The following SUZ12 variants were observed in gnomAD, a reference collection of about 807,000 sequenced individuals.
The protein encoded by SUZ12 is polycomb protein SUZ12.
In SUZ12, 17 loss-of-function variants were observed where a neutral mutation model predicts 87.3. The observed-to-expected ratio is 0.19, with a 90% CI of 0.13 to 0.29. The LOEUF is 0.29. Among genes scored for constraint, SUZ12 ranks in the 10% least tolerant of loss-of-function variants. The pLI is 1.00. For missense variants in SUZ12, 526 were observed against 912.2 expected, an observed-to-expected ratio of 0.58 and a Z score of 5.45; for synonymous variants, 253 against 312.4, an observed-to-expected ratio of 0.81 and a Z score of 2.01.
rs1910117018 is a variant in SUZ12, at chr17:31,998,863, G to C, written c.2080G>C (p.Ala694Pro). The change falls in exon 16 of 16, where the codon GCT (alanine) becomes CCT (proline). Residue 694 changes from alanine (A) to proline (P), a missense_variant. By Grantham distance (27) the Ala-to-Pro change is conservative (BLOSUM62 -1). This residue lies in a region of SUZ12 where 56 missense variants were observed against 56.6 expected (regional missense o/e 0.99). Transcript: ENST00000322652. ...GCAAAAATTAGAAAAGGGGGAATCT[G>C]CTTCCCCTGCAAACGAAGAAATAAC... ...MQQKLEKGES[A>P]SPANEEITEE... 3 of 1,613,452 alleles carry C rather than the reference G, an allele frequency of 1.9e-6. No individual in the cohort carries two copies. The highest frequency in any genetic ancestry group is 1.1e-5 in the South Asian group (1 of 90,952).
intron 3 of SUZ12, among the ~76,000 whole-genome samples, chr17:31,941,325 C>T (rs527714524): frequency 2.0e-5 from 3 of 151,914 alleles, no homozygotes; most frequent in South Asian, 2.1e-4. Context: ...GGTGCAATCT[C>T]GGCTCACTGC....
rs116124238 is a variant in SUZ12, at chr17:31,999,572, T to C, written c.*569T>C. On this transcript the variant is annotated 3_prime_UTR_variant, in exon 16 of 16. Transcript: ENST00000322652. ...CGGAATGAAAAATTATAATGTAATT[T>C]TACATTACATAAGTTCCTTTTACAA... 5,568 of 231,380 alleles carry C rather than the reference T, an allele frequency of 0.024. 321 individuals are homozygous for C. The highest frequency in any genetic ancestry group is 0.11 in the African/African-American group (5,146 of 45,364). 14.3% of individuals were successfully genotyped at this position (231,380 alleles called of 1,614,324 possible).
At chr17:31,985,158 C>CAA (rs34227080) in intron 9 of SUZ12, among the ~76,000 whole-genome samples, 301 of 71,402 alleles carry the variant, frequency 4.2e-3, no homozygotes, top group Non-Finnish European at 5.2e-3. Flanking sequence ...GACTCTGTCT[C>CAA]AAAAAAAAAA....
In SUZ12 at chr17:32,000,853, A is replaced by T. The variant is rs577544062; in HGVS notation, c.*1850A>T. ...AAAAAATCCCTTTGTTTCTATTTAT[A>T]AAAAAAGTGCTTTTCTATATGTACC... On this transcript the variant is annotated 3_prime_UTR_variant, in exon 16 of 16. Coordinates refer to ENST00000322652, the MANE Select transcript of SUZ12 (RefSeq NM_015355.4). The T allele has an allele frequency of 1.8e-5, 4 of 223,966 alleles. No homozygotes were observed. In the East Asian group the frequency reaches 2.0e-4, roughly 11 times the overall value. The allele number at this position is 223,966 out of a possible 1,614,324, so 13.9% of individuals were successfully genotyped here.
intron 15 of SUZ12, among the ~76,000 whole-genome samples, chr17:31,997,666 C>CAAAAAAAAAAAAAAAAAAAAAA (rs892389046): frequency 1.4e-5 from 1 of 70,422 alleles, no homozygotes; most frequent in African/African-American, 4.8e-5. Context: ...ACCCTATCTC[C>CAAAAAAAAAAAAAAAAAAAAAA]AAAAAAAAAA....
chr17:31,956,046 A>G (rs992148679), intron 4 of SUZ12, among the ~76,000 whole-genome samples: 4 of 151,528 alleles, frequency 2.6e-5, no homozygotes, highest in African/African-American at 4.8e-5. Flanking sequence ...CTGAGTAGCT[A>G]GGACTATAGG....
chr17:31,973,962 A>G (rs1226015639), intron 6 of SUZ12, among the ~76,000 whole-genome samples: 1 of 152,106 alleles, frequency 6.6e-6, no homozygotes, highest in Non-Finnish European at 1.5e-5. Context: ...GCCGTAGCTC[A>G]CACCTATAAT....
intron 7 of SUZ12, 52 bp from the exon 8 acceptor site, chr17:31,976,469 A>G: frequency 5.5e-6 from 8 of 1,448,756 alleles, no homozygotes; most frequent in Non-Finnish European, 7.7e-6. Flanking sequence ...CATATATCAT[A>G]ACACATTTTT....
At chr17:31,953,958 T>G (rs8068046) in intron 4 of SUZ12, among the ~76,000 whole-genome samples, 203 of 151,930 alleles carry the variant, frequency 1.3e-3, no homozygotes, top group African/African-American at 4.0e-3. Context: ...GTGATCCACC[T>G]GCCTCAGCCT....
chr17:31,956,906 G>C (rs1042008109), intron 4 of SUZ12, among the ~76,000 whole-genome samples: 7 of 152,072 alleles, frequency 4.6e-5, no homozygotes, highest in Non-Finnish European at 8.8e-5. Context: ...CTCCCAGGTA[G>C]CTGGGATTAT....
At chr17:31,962,451 A>G (rs483665) in intron 4 of SUZ12, among the ~76,000 whole-genome samples, 40,186 of 147,880 alleles carry the variant, frequency 0.27, 2,061 homozygotes, top group African/African-American at 0.41. Flanking sequence ...TTAGCCAGGC[A>G]TGATGGTGCA....
chr17:31,994,817 GGAAA>G, intron 13 of SUZ12, 96 bp downstream of exon 13: 1 of 1,348,464 alleles, frequency 7.4e-7, no homozygotes, highest in South Asian at 1.5e-5. Context: ...TTCGTTAGGT[GGAAA>G]TTATTATTTT....
chr17:31,968,239 G>A (rs1908210968), intron 5 of SUZ12, among the ~76,000 whole-genome samples: 1 of 152,030 alleles, frequency 6.6e-6, no homozygotes. Context: ...ATTTTTTAAT[G>A]ACTCTTTGGG....
intron 5 of SUZ12, among the ~76,000 whole-genome samples, chr17:31,970,670 T>G (rs1401819026): frequency 6.6e-6 from 1 of 152,012 alleles, no homozygotes; most frequent in African/African-American, 2.4e-5. Context: ...GGCTTGTGCC[T>G]GTAGTCTGTA....
chr17:31,989,449 G>A (rs1909589706), intron 10 of SUZ12, among the ~76,000 whole-genome samples: 1 of 152,084 alleles, frequency 6.6e-6, no homozygotes, highest in Admixed American at 6.5e-5. Flanking sequence ...ATCTTGAAGT[G>A]GGGTCCTCAT....
intron 15 of SUZ12, among the ~76,000 whole-genome samples, chr17:31,997,238 C>A (rs527607026): frequency 9.0e-4 from 137 of 152,208 alleles, no homozygotes; most frequent in African/African-American, 3.2e-3. Flanking sequence ...CTGCTGCAAC[C>A]CTGGTGTCCG....
intron 9 of SUZ12, among the ~76,000 whole-genome samples, chr17:31,985,748 C>T (rs1399512810): frequency 4.0e-5 from 6 of 151,536 alleles, no homozygotes; most frequent in South Asian, 2.1e-4. Flanking sequence ...CTGCAACCTC[C>T]GCCTCCCGGG....
chr17:31,955,933 A>G (rs1365928296), intron 4 of SUZ12, among the ~76,000 whole-genome samples: 1 of 151,028 alleles, frequency 6.6e-6, no homozygotes, highest in Non-Finnish European at 1.5e-5. Flanking sequence ...TGTTTTTGAG[A>G]TGGAGTCTCG....
intron 8 of SUZ12, among the ~76,000 whole-genome samples, chr17:31,978,470 A>G (rs1285996633): frequency 2.6e-5 from 4 of 152,060 alleles, no homozygotes; most frequent in Non-Finnish European, 1.5e-5. Flanking sequence ...CAGCCTCCCA[A>G]AGTGCTGGGA....
Sources: gnomAD v4.1 joint callset for allele counts (sites outside exome capture counted in the v4.1 genomes callset) on GRCh38, gnomAD v4.1.1 for gene constraint, gnomAD v4.1.1 regional missense constraint, MANE v1.5 for transcripts, NCBI Gene and HGNC (gene_info 2026-07-23, HGNC 2026-07-21) for gene names.